Variants in SLIT2 observed in about 807,000 individuals in gnomAD.
The protein encoded by SLIT2 is slit homolog 2 protein.
SLIT2 carries 41 observed loss-of-function variants against 185.7 expected under a neutral mutation model. That is an observed-to-expected ratio of 0.22 (90% CI 0.17 to 0.29). The LOEUF is 0.29. Among genes scored for constraint, SLIT2 ranks in the 10% least tolerant of loss-of-function variants. The pLI is 1.00. For synonymous variants in SLIT2, 693 were observed against 680.2 expected (o/e 1.02, Z -0.29); for missense variants, 1,571 against 1,909.0 (o/e 0.82, Z 3.30).
At chr4:20,455,214 AGC>A (rs1324833045) in intron 4 of SLIT2, among the ~76,000 whole-genome samples, 4 of 152,132 alleles carry the variant, frequency 2.6e-5, no homozygotes, top group African/African-American at 9.6e-5. Context: ...TTCAAATTCT[AGC>A]ATGATCAAAA....
At chr4:20,595,369 C>A (rs561148034) in intron 30 of SLIT2, among the ~76,000 whole-genome samples, 1 of 151,610 alleles carries the variant, frequency 6.6e-6, no homozygotes, top group South Asian at 2.1e-4. Context: ...GCACTGTAAG[C>A]AAACAAAATG....
intron 24 of SLIT2, among the ~76,000 whole-genome samples, chr4:20,550,239 T>G (rs1261986190): frequency 3.3e-5 from 5 of 152,110 alleles, no homozygotes; most frequent in African/African-American, 1.2e-4. Flanking sequence ...TTTTATTTGT[T>G]TACTAAGCAC....
intron 4 of SLIT2, among the ~76,000 whole-genome samples, chr4:20,434,411 G>C (rs553476491): frequency 6.6e-6 from 1 of 152,060 alleles, no homozygotes; most frequent in African/African-American, 2.4e-5. Context: ...ACTTGAACCC[G>C]GGAGGCAGAG....
chr4:20,530,464 G>A (rs943324466), intron 16 of SLIT2, among the ~76,000 whole-genome samples: 1 of 151,866 alleles, frequency 6.6e-6, no homozygotes, highest in Admixed American at 6.6e-5. Flanking sequence ...TGTACTTTTT[G>A]TAGAGATGGG....
intron 4 of SLIT2, among the ~76,000 whole-genome samples, chr4:20,388,778 GAAAA>G (rs67546102): frequency 1.7e-4 from 22 of 125,824 alleles, no homozygotes; most frequent in East Asian, 4.4e-4. Context: ...CGTCTCAGGG[GAAAA>G]AAAAAAAAAA....
chr4:20,595,679 A>G lies in SLIT2; in HGVS notation c.3183-18A>G, dbSNP rs1231623614. ...TGGCTCAGTTGGGTTTGAAACCATT[A>G]CCTGCTTGTTCCAACAGATGTGACT... On this transcript the variant is annotated intron_variant, in intron 30 of 36. Transcript: ENST00000504154. The G allele has an allele frequency of 6.2e-7, 1 of 1,612,672 alleles. No homozygotes were observed. Among genetic ancestry groups the G allele is most frequent in the Non-Finnish European group, 8.5e-7 (1 of 1,178,952 alleles).
chr4:20,367,360 G>A (rs759568252), intron 4 of SLIT2, among the ~76,000 whole-genome samples: 2 of 152,108 alleles, frequency 1.3e-5, no homozygotes, highest in Non-Finnish European at 2.9e-5. Flanking sequence ...TACATAGTTT[G>A]TAAGTAAAGT....
chr4:20,287,498 G>C (rs1207400795), intron 4 of SLIT2, among the ~76,000 whole-genome samples: 1 of 152,128 alleles, frequency 6.6e-6, no homozygotes, highest in Non-Finnish European at 1.5e-5. Context: ...TGTTCTAACA[G>C]GGTTCATATT....
intron 9 of SLIT2, among the ~76,000 whole-genome samples, chr4:20,506,441 C>T (rs932414560): frequency 6.6e-6 from 1 of 151,950 alleles, no homozygotes; most frequent in Non-Finnish European, 1.5e-5. Flanking sequence ...CTATAAAATT[C>T]AGCAGCTTCT....
At position 20,486,288 on chromosome 4, in the gene SLIT2, T is replaced by C. The variant is rs762630698; in HGVS notation, c.611+17T>C. ...TAGGACTTTGTAAGTAGTCACAATA[T>C]ATGTAAAAGTCATATTAATCAATTA... On this transcript the variant is annotated intron_variant, in intron 7 of 36. Transcript: ENST00000504154. 2.9e-6 allele frequency: 4 copies of C among 1,386,502 alleles called. No individual in the cohort carries two copies. The South Asian group carries it at 4.7e-5, about 16-fold the overall frequency. 85.9% of individuals were successfully genotyped at this position (1,386,502 alleles called of 1,614,324 possible). A position where few individuals can be genotyped will look rare whatever the true frequency, so the allele number is the denominator to read the frequency against.
intron 22 of SLIT2, 129 bp downstream of exon 22, chr4:20,546,228 T>A: frequency 1.9e-6 from 1 of 529,752 alleles, no homozygotes; most frequent in Non-Finnish European, 3.3e-6. Context: ...CCCTCCTTGC[T>A]CATTGCGGTT....
intron 4 of SLIT2, among the ~76,000 whole-genome samples, chr4:20,423,437 A>G (rs1212805686): frequency 6.6e-6 from 1 of 152,084 alleles, no homozygotes; most frequent in African/African-American, 2.4e-5. Flanking sequence ...ATTATAAATT[A>G]TAATTTATAA....
At chr4:20,506,390 T>A (rs1479736507) in intron 9 of SLIT2, among the ~76,000 whole-genome samples, 1 of 152,008 alleles carries the variant, frequency 6.6e-6, no homozygotes, top group Admixed American at 6.6e-5. Flanking sequence ...AGAATGTTTT[T>A]AATTAGGTTC....
intron 3 of SLIT2, 34 bp downstream of exon 3, chr4:20,257,973 T>TAACTTTAAAA (rs763903200): frequency 1.0e-6 from 1 of 1,004,850 alleles, no homozygotes; most frequent in South Asian, 1.4e-5. Context: ...TATGACAACA[T>TAACTTTAAAA]AACTGTGTTT....
chr4:20,447,014 G>A (rs1711877748), intron 4 of SLIT2, among the ~76,000 whole-genome samples: 1 of 152,194 alleles, frequency 6.6e-6, no homozygotes, highest in South Asian at 2.1e-4. Flanking sequence ...CGTGCTATAT[G>A]TGGATTGTGA....
chr4:20,274,710 A>G (rs1713985259), intron 4 of SLIT2, among the ~76,000 whole-genome samples: 1 of 151,828 alleles, frequency 6.6e-6, no homozygotes, highest in South Asian at 2.1e-4. Context: ...AGCATAAGAA[A>G]ATCAAATGCA....
intron 29 of SLIT2, among the ~76,000 whole-genome samples, chr4:20,569,446 G>A (rs1241747000): frequency 6.6e-6 from 1 of 151,910 alleles, no homozygotes; most frequent in African/African-American, 2.4e-5. Flanking sequence ...AGTAACCCAT[G>A]TCCCTCAAAA....
intron 17 of SLIT2, 24 bp from the exon 18 acceptor site, chr4:20,533,548 T>A (rs1721991387): frequency 6.4e-6 from 10 of 1,570,252 alleles, no homozygotes; most frequent in Non-Finnish European, 8.7e-6. Flanking sequence ...ATTTAAAACC[T>A]TTGTTCCAAC....
In SLIT2 at chr4:20,430,148, ATGTTTT is replaced by A. The variant is rs1174822614; in HGVS notation, c.396-37603_396-37598del. Among the ~76,000 whole-genome samples the A allele has an allele frequency of 4.2e-3, 634 of 152,184 alleles. 5 individuals are homozygous for A. Among genetic ancestry groups the A allele is most frequent in the Middle Eastern group, 6.8e-3 (2 of 294 alleles). Reference sequence around the variant, plus strand: ...AATTACTATTTTTAGATTAGTATACATGTTTTAAAAATTCTTTTTTTCTTATTGCTT... The same window carrying A: ...AATTACTATTTTTAGATTAGTATACAAAAAATTCTTTTTTTCTTATTGCTT... On this transcript the variant is annotated intron_variant, in intron 4 of 36. Coordinates refer to ENST00000504154, the MANE Select transcript of SLIT2 (RefSeq NM_004787.4).
Sources: gnomAD v4.1 joint callset for allele counts (sites outside exome capture counted in the v4.1 genomes callset) on GRCh38, gnomAD v4.1.1 for gene constraint, MANE v1.5 for transcripts, NCBI Gene and HGNC (gene_info 2026-07-23, HGNC 2026-07-21) for gene names.